Variants in THSD4 observed in about 807,000 individuals in gnomAD.
THSD4 encodes the protein thrombospondin type 1 domain containing 4, also known as thrombospondin type-1 domain-containing protein 4.
THSD4 carries 69 observed loss-of-function variants against 119.0 expected under a neutral mutation model. The ratio of observed to expected loss-of-function variants is 0.58; its 90% CI spans 0.48 to 0.71. THSD4 has a LOEUF of 0.71. Among genes scored for constraint, THSD4 ranks in the 30% least tolerant of loss-of-function variants. The probability of loss-of-function intolerance (pLI) is 0.00; values close to 1 mark genes in which losing one functional copy is unlikely to be tolerated. For synonymous variants in THSD4, 524 were observed against 540.4 expected, an observed-to-expected ratio of 0.97 and a Z score of 0.42; for missense variants, 1,393 against 1,391.1, an observed-to-expected ratio of 1.00 and a Z score of -0.02.
chr15:71,324,123 T>C (rs1265287711), intron 6 of THSD4, among the ~76,000 whole-genome samples: 1 of 152,124 alleles, frequency 6.6e-6, no homozygotes, highest in East Asian at 1.9e-4. Flanking sequence ...AGGTATACTC[T>C]GTATCTGTTT....
intron 4 of THSD4, 46 bp from the exon 5 acceptor site, chr15:71,242,603 A>G: frequency 6.3e-7 from 1 of 1,581,190 alleles, no homozygotes; most frequent in Non-Finnish European, 8.6e-7. Flanking sequence ...TTAACATGAA[A>G]TTCATCCGAC....
rs953887799 is a variant in THSD4 at position 71,377,884 on chromosome 15, A to C, written c.1016-33803A>C. ...ATATCCACAACACACACACACACAC[A>C]CACACACACACACACACACACACAC... On this transcript the variant is annotated intron_variant, in intron 6 of 17. Coordinates refer to ENST00000261862, the MANE Select transcript of THSD4 (RefSeq NM_024817.3). 2.5e-4 allele frequency among the ~76,000 whole-genome samples: 20 copies of C among 79,726 alleles called. 2 individuals are homozygous for C. In the East Asian group the frequency reaches 2.7e-3, roughly 11 times the overall value. 52.3% of individuals were successfully genotyped at this position (79,726 alleles called of 152,430 possible). A position where few individuals can be genotyped will look rare whatever the true frequency, so the allele number is the denominator to read the frequency against.
At chr15:71,729,961 G>A (rs190703874) in intron 9 of THSD4, 1 of 152,122 alleles carries the variant, frequency 6.6e-6, no homozygotes, top group African/African-American at 2.4e-5. Context: ...TTTGATATTG[G>A]TTCCTGGGTA....
At chr15:71,696,617 T>C (rs963779482) in intron 8 of THSD4, among the ~76,000 whole-genome samples, 4 of 152,062 alleles carry the variant, frequency 2.6e-5, no homozygotes, top group African/African-American at 9.7e-5. Context: ...GATGCCCATA[T>C]CCCAATATTT....
chr15:71,510,428 C>T (rs556977942), intron 7 of THSD4, among the ~76,000 whole-genome samples: 20 of 152,278 alleles, frequency 1.3e-4, no homozygotes, highest in Admixed American at 7.8e-4. Flanking sequence ...AATAAATGCA[C>T]GGACATAGAA....
chr15:71,464,234 A>G (rs778681104), intron 7 of THSD4, among the ~76,000 whole-genome samples: 7 of 152,182 alleles, frequency 4.6e-5, no homozygotes, highest in Non-Finnish European at 1.0e-4. Flanking sequence ...TGGGTAGGAT[A>G]TACATTGCTT....
At chr15:71,133,933 C>T (rs1024028851) in intron 1 of THSD4, among the ~76,000 whole-genome samples, 1 of 152,120 alleles carries the variant, frequency 6.6e-6, no homozygotes, top group African/African-American at 2.4e-5. Context: ...CAGGTGAGGA[C>T]GGAGAAGCAC....
chr15:71,211,978 C>A (rs931478566), intron 3 of THSD4, among the ~76,000 whole-genome samples: 2 of 152,068 alleles, frequency 1.3e-5, no homozygotes, highest in Admixed American at 1.3e-4. Flanking sequence ...GAAAGTTGTC[C>A]CATCTTGCAT....
intron 6 of THSD4, among the ~76,000 whole-genome samples, chr15:71,305,713 G>C (rs1380605713): frequency 6.6e-6 from 1 of 152,192 alleles, no homozygotes. Flanking sequence ...GATGGGGACT[G>C]ATGCTGTCCA....
chr15:71,220,422 T>C (rs547523085), intron 4 of THSD4, among the ~76,000 whole-genome samples: 3 of 152,342 alleles, frequency 2.0e-5, no homozygotes, highest in African/African-American at 4.8e-5. Context: ...TCAATCTTCA[T>C]TGGAGCTCTC....
chr15:71,388,727 C>T (rs1415994120), intron 6 of THSD4, among the ~76,000 whole-genome samples: 1 of 151,014 alleles, frequency 6.6e-6, no homozygotes, highest in Non-Finnish European at 1.5e-5. Context: ...TTTGTATGGA[C>T]TCAGGCATAT....
At chr15:71,695,287 G>A (rs1191530964) in intron 8 of THSD4, among the ~76,000 whole-genome samples, 1 of 152,014 alleles carries the variant, frequency 6.6e-6, no homozygotes, top group Non-Finnish European at 1.5e-5. Context: ...GGTCCTTTAA[G>A]CCTCTCTAAT....
At chr15:71,728,824 C>A in intron 9 of THSD4, 100 bp downstream of exon 9, 1 of 1,469,832 alleles carries the variant, frequency 6.8e-7, no homozygotes, top group South Asian at 1.1e-5. Context: ...TGCCCATACT[C>A]AATAAAAACC....
At chr15:71,386,539 A>G (rs1373443621) in intron 6 of THSD4, among the ~76,000 whole-genome samples, 1 of 152,254 alleles carries the variant, frequency 6.6e-6, no homozygotes, top group Non-Finnish European at 1.5e-5. Context: ...TGACACATGT[A>G]AGAGAAAATG....
chr15:71,100,899 C>T (rs544824050), intron 1 of THSD4, among the ~76,000 whole-genome samples: 19 of 152,098 alleles, frequency 1.2e-4, no homozygotes, highest in East Asian at 3.9e-4. Flanking sequence ...GGAGAATCAC[C>T]GGAGCCTGGG....
At chr15:71,192,171 G>A (rs983377760) in intron 3 of THSD4, among the ~76,000 whole-genome samples, 5 of 151,958 alleles carry the variant, frequency 3.3e-5, no homozygotes, top group African/African-American at 1.2e-4. Flanking sequence ...CAAAATACTG[G>A]GATTACAGGT....
At chr15:71,692,204 T>G (rs1383825429) in intron 8 of THSD4, among the ~76,000 whole-genome samples, 1 of 152,186 alleles carries the variant, frequency 6.6e-6, no homozygotes, top group Non-Finnish European at 1.5e-5. Flanking sequence ...GACGTGGGTG[T>G]ATGTGCACGT....
intron 6 of THSD4, among the ~76,000 whole-genome samples, chr15:71,284,564 G>A (rs964996447): frequency 2.6e-5 from 4 of 152,136 alleles, no homozygotes; most frequent in African/African-American, 9.7e-5. Flanking sequence ...TTTCAGTAAC[G>A]ACAACTGTTG....
chr15:71,491,450 C>A (rs370490023), intron 7 of THSD4, among the ~76,000 whole-genome samples: 1 of 152,176 alleles, frequency 6.6e-6, no homozygotes, highest in Non-Finnish European at 1.5e-5. Context: ...TAAGCTAGCA[C>A]GCTCAGCCCC....
Sources: allele counts gnomAD v4.1 joint callset (sites outside exome capture counted in the v4.1 genomes callset), GRCh38; gene constraint gnomAD v4.1.1; transcripts MANE v1.5; gene names NCBI Gene and HGNC (gene_info 2026-07-23, HGNC 2026-07-21).